The following CCDC146 variants were observed in gnomAD, a reference collection of about 807,000 sequenced individuals.
CCDC146 encodes coiled-coil domain-containing protein 146.
In CCDC146, 92 loss-of-function variants were observed where a neutral mutation model predicts 119.3. The observed-to-expected ratio is 0.77, with a 90% CI of 0.65 to 0.92. The LOEUF is 0.92. Among genes scored for constraint, CCDC146 ranks in the 40% least tolerant of loss-of-function variants. The pLI is 0.00. For synonymous variants in CCDC146, 372 were observed against 371.8 expected (o/e 1.00, Z -0.01); for missense variants, 1,000 against 1,103.0 (o/e 0.91, Z 1.32).
At chr7:77,259,509 T>G (rs1183110790) in intron 7 of CCDC146, among the ~76,000 whole-genome samples, 3 of 152,148 alleles carry the variant, frequency 2.0e-5, no homozygotes, top group Non-Finnish European at 2.9e-5. Context: ...GAGGCAGAGG[T>G]CATTGAGGAA....
intron 18 of CCDC146, among the ~76,000 whole-genome samples, chr7:77,293,444 G>T (rs1396509748): frequency 2.0e-5 from 3 of 152,200 alleles, no homozygotes; most frequent in African/African-American, 7.2e-5. Flanking sequence ...TACATCCTGG[G>T]CTGCTGAGGC....
At chr7:77,149,071 C>A (rs1206196383) in intron 1 of CCDC146, among the ~76,000 whole-genome samples, 1 of 152,158 alleles carries the variant, frequency 6.6e-6, no homozygotes, top group Non-Finnish European at 1.5e-5. Context: ...TACCTGACTT[C>A]AAACTATACT....
At chr7:77,182,820 G>T (rs911330371) in intron 2 of CCDC146, among the ~76,000 whole-genome samples, 12 of 151,898 alleles carry the variant, frequency 7.9e-5, no homozygotes, top group African/African-American at 2.4e-4. Flanking sequence ...GGATGTGGTG[G>T]ATATAGAGAT....
At chr7:77,206,723 T>C (rs1233015373) in intron 2 of CCDC146, among the ~76,000 whole-genome samples, 1 of 150,716 alleles carries the variant, frequency 6.6e-6, no homozygotes, top group East Asian at 1.9e-4. Context: ...ATATAATATA[T>C]AACCTATTAC....
intron 17 of CCDC146, among the ~76,000 whole-genome samples, chr7:77,290,744 C>A (rs1194418248): frequency 1.3e-5 from 2 of 152,058 alleles, no homozygotes; most frequent in East Asian, 3.9e-4. Flanking sequence ...ATAGAAGAGT[C>A]ATAAAAATGT....
intron 1 of CCDC146, among the ~76,000 whole-genome samples, chr7:77,127,946 T>C (rs1185440149): frequency 6.6e-6 from 1 of 152,166 alleles, no homozygotes; most frequent in Non-Finnish European, 1.5e-5. Flanking sequence ...AATATCTGCA[T>C]TGAATTTTTC....
chr7:77,240,997 TG>T (rs149372325), intron 3 of CCDC146, among the ~76,000 whole-genome samples: 3,546 of 148,624 alleles, frequency 0.024, 158 homozygotes, highest in East Asian at 0.13. Flanking sequence ...TTTGTTTGTT[TG>T]TTTTTTTGGG....
At chr7:77,207,984 C>T (rs1429451664) in intron 2 of CCDC146, among the ~76,000 whole-genome samples, 1 of 152,094 alleles carries the variant, frequency 6.6e-6, no homozygotes, top group African/African-American at 2.4e-5. Context: ...GTATACTAGC[C>T]CTGGGAATAA....
chr7:77,231,003 A>G (rs1792617053), intron 2 of CCDC146, among the ~76,000 whole-genome samples: 1 of 152,214 alleles, frequency 6.6e-6, no homozygotes, highest in Admixed American at 6.5e-5. Flanking sequence ...TATTAAGTGG[A>G]AAATTCCAGA....
chr7:77,188,348 T>C (rs1791704805), intron 2 of CCDC146, among the ~76,000 whole-genome samples: 1 of 152,140 alleles, frequency 6.6e-6, no homozygotes, highest in Non-Finnish European at 1.5e-5. Context: ...AAAAAGATCA[T>C]TAGTGTCTCT....
chr7:77,180,382 T>C (rs970827037), intron 2 of CCDC146, among the ~76,000 whole-genome samples: 16 of 152,186 alleles, frequency 1.1e-4, no homozygotes, highest in Admixed American at 9.8e-4. Flanking sequence ...GCTATTATGA[T>C]AGGCATGCAA....
intron 8 of CCDC146, among the ~76,000 whole-genome samples, chr7:77,260,718 C>T (rs1374215525): frequency 6.6e-6 from 1 of 152,140 alleles, no homozygotes; most frequent in East Asian, 1.9e-4. Context: ...CCTCTGCCTC[C>T]CGGGTTCAAG....
chr7:77,195,869 C>G (rs1460696985), intron 2 of CCDC146: 2 of 161,050 alleles, frequency 1.2e-5, no homozygotes, highest in African/African-American at 4.8e-5. Context: ...TTTGGCCAGG[C>G]TGGTCTCAAA....
At chr7:77,133,828 T>C (rs930048825) in intron 1 of CCDC146, among the ~76,000 whole-genome samples, 3 of 143,692 alleles carry the variant, frequency 2.1e-5, no homozygotes, top group Admixed American at 2.0e-4. Flanking sequence ...TATGCTTAGG[T>C]ACACACACAC....
intron 3 of CCDC146, among the ~76,000 whole-genome samples, chr7:77,241,205 C>G (rs1206778961): frequency 6.9e-6 from 1 of 144,040 alleles, no homozygotes; most frequent in Non-Finnish European, 1.5e-5. Context: ...CTACAGGCGC[C>G]CGCCACCATG....
chr7:77,174,309 A>G (rs929030818), intron 2 of CCDC146, among the ~76,000 whole-genome samples: 11 of 152,264 alleles, frequency 7.2e-5, no homozygotes, highest in Non-Finnish European at 1.2e-4. Flanking sequence ...CAAGCCCCCA[A>G]ATTGAGGCTT....
chr7:77,286,995 A>G (rs1793860414), intron 16 of CCDC146, 69 bp downstream of exon 16: 1 of 1,512,504 alleles, frequency 6.6e-7, no homozygotes, highest in South Asian at 1.1e-5. Context: ...TACCTATGGT[A>G]CTGTTTCATG....
At chr7:77,157,131 G>C (rs1337019860) in intron 1 of CCDC146, among the ~76,000 whole-genome samples, 1 of 100,104 alleles carries the variant, frequency 1.0e-5, no homozygotes, top group Non-Finnish European at 1.9e-5. Context: ...TAGAGCAATG[G>C]GCTGCTGGGG....
Position 77,220,930 on chromosome 7 carries a change from C to T in CCDC146, c.157-16017C>T, listed in dbSNP as rs551656508. Among the ~76,000 whole-genome samples the T allele has an allele frequency of 2.6e-5, 4 of 152,218 alleles. No individual in the cohort carries two copies. The South Asian group carries it at 8.3e-4, about 32-fold the overall frequency. On this transcript the variant is annotated intron_variant, in intron 2 of 18. Coordinates refer to ENST00000285871, the MANE Select transcript of CCDC146 (RefSeq NM_020879.3). ...TTACAAAGAAAAGAGGTTTAATTGG[C>T]TCATGGTTCCACAGGCTGTACAGGA... is the stretch of plus-strand genomic sequence containing the variant.
Sources: gnomAD v4.1 joint callset for allele counts (sites outside exome capture counted in the v4.1 genomes callset) on GRCh38, gnomAD v4.1.1 for gene constraint, MANE v1.5 for transcripts, NCBI Gene and HGNC (gene_info 2026-07-23, HGNC 2026-07-21) for gene names.